SYN3: variants seen among roughly 807,000 people sequenced by gnomAD.
The protein encoded by SYN3 is synapsin III, also known as synapsin-3.
Under a neutral mutation model 65.8 loss-of-function variants are expected in SYN3, and 35 were observed. That is an observed-to-expected ratio of 0.53 (90% confidence interval 0.41 to 0.70). The LOEUF is 0.70. SYN3 is among the 30% of genes least tolerant of loss of function. The pLI is 0.00. For synonymous variants in SYN3, 270 were observed against 292.9 expected, an observed-to-expected ratio of 0.92 and a Z score of 0.80; for missense variants, 680 against 749.0, an observed-to-expected ratio of 0.91 and a Z score of 1.08.
At chr22:32,923,998 T>G (rs1448157323) in intron 4 of SYN3, among the ~76,000 whole-genome samples, 1 of 152,156 alleles carries the variant, frequency 6.6e-6, no homozygotes, top group East Asian at 1.9e-4. Flanking sequence ...GCTCCATCCA[T>G]GCTCCCACAA....
intron 6 of SYN3, among the ~76,000 whole-genome samples, chr22:32,746,612 C>T (rs1214058413): frequency 6.6e-6 from 1 of 152,178 alleles, no homozygotes; most frequent in Admixed American, 6.5e-5. Context: ...GAAGCCTTCT[C>T]TGATTCTTCC....
At chr22:32,752,180 T>C (rs949844124) in intron 6 of SYN3, among the ~76,000 whole-genome samples, 3 of 152,186 alleles carry the variant, frequency 2.0e-5, no homozygotes, top group African/African-American at 7.2e-5. Context: ...CTGTGAATCC[T>C]TACTGAGGGT....
At chr22:32,860,118 C>T (rs1322138334) in intron 6 of SYN3, 1 of 152,254 alleles carries the variant, frequency 6.6e-6, no homozygotes, top group Admixed American at 6.5e-5. Flanking sequence ...AAGACTTAAA[C>T]ATCTGCCTGA....
intron 7 of SYN3, among the ~76,000 whole-genome samples, chr22:32,566,576 C>T (rs1296427461): frequency 6.6e-6 from 1 of 152,098 alleles, no homozygotes; most frequent in Admixed American, 6.5e-5. Flanking sequence ...CGGAGGAGAG[C>T]AAGCAAAACA....
chr22:32,529,684 C>T (rs2058039122), intron 10 of SYN3, among the ~76,000 whole-genome samples: 1 of 152,280 alleles, frequency 6.6e-6, no homozygotes, highest in African/African-American at 2.4e-5. Flanking sequence ...CAGGCCAATG[C>T]TCCACGTGAT....
At chr22:32,812,189 A>G (rs1177477279) in intron 6 of SYN3, among the ~76,000 whole-genome samples, 1 of 152,204 alleles carries the variant, frequency 6.6e-6, no homozygotes, top group African/African-American at 2.4e-5. Flanking sequence ...TCTGGCTCTA[A>G]GTTCCCTTGG....
At chr22:32,702,372 G>A (rs1377595410) in intron 6 of SYN3, among the ~76,000 whole-genome samples, 2 of 152,160 alleles carry the variant, frequency 1.3e-5, no homozygotes, top group Non-Finnish European at 2.9e-5. Flanking sequence ...CAGCTACTCG[G>A]GAGGCTGAGG....
intron 1 of SYN3, among the ~76,000 whole-genome samples, chr22:33,016,035 G>A (rs5998695): frequency 2.2e-4 from 34 of 151,742 alleles, no homozygotes; most frequent in African/African-American, 5.8e-4. Flanking sequence ...TAGTTGAGAC[G>A]GGGTTTCACC....
chr22:32,671,549 G>GCA (rs547071229), intron 6 of SYN3, among the ~76,000 whole-genome samples: 55 of 135,664 alleles, frequency 4.1e-4, no homozygotes, highest in Non-Finnish European at 5.2e-4. Flanking sequence ...TCACGCAGGT[G>GCA]CACACACACA....
chr22:32,564,752 C>G (rs186450688), intron 7 of SYN3, among the ~76,000 whole-genome samples: 1 of 146,400 alleles, frequency 6.8e-6, no homozygotes. Flanking sequence ...TGGGCTGCAC[C>G]CAGTGCTCCC....
intron 7 of SYN3, among the ~76,000 whole-genome samples, chr22:32,545,724 C>G (rs1234069027): frequency 6.6e-6 from 1 of 152,128 alleles, no homozygotes; most frequent in African/African-American, 2.4e-5. Flanking sequence ...CCATGGCTGG[C>G]TAATTTTTGT....
chr22:32,780,095 AG>A (rs200491765), intron 6 of SYN3, among the ~76,000 whole-genome samples: 1 of 910 alleles, frequency 1.1e-3, no homozygotes, highest in Non-Finnish European at 2.4e-3. Flanking sequence ...AGAAAAAAAG[AG>A]AAAAAAAACA....
intron 6 of SYN3, among the ~76,000 whole-genome samples, chr22:32,753,497 A>G (rs2045200541): frequency 2.0e-5 from 3 of 152,186 alleles, no homozygotes; most frequent in South Asian, 4.1e-4. Context: ...ACTCCCCAGC[A>G]GGGGCCTACA....
chr22:32,795,910 G>A (rs1474438490), intron 6 of SYN3, among the ~76,000 whole-genome samples: 2 of 152,156 alleles, frequency 1.3e-5, no homozygotes, highest in African/African-American at 2.4e-5. Flanking sequence ...AAGCTCATGT[G>A]CCTTGCAGAA....
At chr22:32,902,618 C>G (rs1195960666) in intron 4 of SYN3, among the ~76,000 whole-genome samples, 1 of 152,166 alleles carries the variant, frequency 6.6e-6, no homozygotes, top group East Asian at 1.9e-4. Flanking sequence ...GCTGTTCACT[C>G]CAAAGCATTC....
chr22:33,049,678 C>A (rs907973775), intron 1 of SYN3, among the ~76,000 whole-genome samples: 1 of 152,158 alleles, frequency 6.6e-6, no homozygotes, highest in Non-Finnish European at 1.5e-5. Context: ...GTCGGGAAGA[C>A]AAAGAACAAA....
At chr22:32,543,571 C>G (rs1275751655) in intron 7 of SYN3, among the ~76,000 whole-genome samples, 1 of 152,332 alleles carries the variant, frequency 6.6e-6, no homozygotes, top group East Asian at 1.9e-4. Context: ...TCAGCTACCC[C>G]ACTTCTTCCT....
intron 6 of SYN3, among the ~76,000 whole-genome samples, chr22:32,815,295 A>G (rs1376348112): frequency 2.0e-5 from 3 of 152,228 alleles, no homozygotes; most frequent in East Asian, 1.9e-4. Flanking sequence ...CAGGGAACCC[A>G]TGTGCGGTGA....
At chr22:33,046,597 C>T (rs923071555) in intron 1 of SYN3, among the ~76,000 whole-genome samples, 1 of 151,990 alleles carries the variant, frequency 6.6e-6, no homozygotes, top group Non-Finnish European at 1.5e-5. Context: ...AATCCCAGCA[C>T]TTTGGGAGGC....
Sources: allele counts gnomAD v4.1 joint callset (sites outside exome capture counted in the v4.1 genomes callset), GRCh38; gene constraint gnomAD v4.1.1; transcripts MANE v1.5; gene names NCBI Gene and HGNC (gene_info 2026-07-23, HGNC 2026-07-21).